NEGR1: variants seen among roughly 807,000 people sequenced by gnomAD.
NEGR1 encodes IgLON family member 4.
NEGR1 carries 10 observed loss-of-function variants against 40.9 expected under a neutral mutation model. That is an observed-to-expected ratio of 0.24 (90% CI 0.15 to 0.42). NEGR1 has a LOEUF of 0.42. Ranked by LOEUF, NEGR1 falls within the 10% of genes least tolerant of loss-of-function variation. The pLI, the probability that NEGR1 is intolerant of heterozygous loss-of-function variation, is 1.00. For synonymous variants in NEGR1, 185 were observed against 166.8 expected (o/e 1.11, Z -0.84); for missense variants, 352 against 438.9 (o/e 0.80, Z 1.77).
chr1:71,531,359 AAG>A (rs546685473), intron 6 of NEGR1, among the ~76,000 whole-genome samples: 169 of 151,488 alleles, frequency 1.1e-3, no homozygotes, highest in Non-Finnish European at 2.0e-3. Flanking sequence ...ATGACCAAAA[AAG>A]GAAAGTAAGA....
chr1:71,487,768 T>C (rs1646898076), intron 6 of NEGR1, among the ~76,000 whole-genome samples: 1 of 151,548 alleles, frequency 6.6e-6, no homozygotes, highest in Non-Finnish European at 1.5e-5. Context: ...AAGGAGTAAA[T>C]CTTTTCTTTT....
At chr1:71,412,881 A>G (rs921742049) in intron 6 of NEGR1, among the ~76,000 whole-genome samples, 1 of 152,218 alleles carries the variant, frequency 6.6e-6, no homozygotes, top group African/African-American at 2.4e-5. Context: ...TATTGAAAAA[A>G]AAGAGAAAAT....
At chr1:71,845,689 C>T (rs907091775) in intron 2 of NEGR1, among the ~76,000 whole-genome samples, 7 of 151,980 alleles carry the variant, frequency 4.6e-5, no homozygotes, top group African/African-American at 1.7e-4. Flanking sequence ...TGATCCAATT[C>T]ACACAGCAAA....
intron 1 of NEGR1, among the ~76,000 whole-genome samples, chr1:72,074,551 C>T (rs1335330356): frequency 6.6e-6 from 1 of 152,000 alleles, no homozygotes; most frequent in Non-Finnish European, 1.5e-5. Context: ...TATACTCCTA[C>T]TTCTACGTCA....
intron 1 of NEGR1, among the ~76,000 whole-genome samples, chr1:71,975,209 A>G (rs1312096471): frequency 6.6e-6 from 1 of 152,158 alleles, no homozygotes; most frequent in Non-Finnish European, 1.5e-5. Flanking sequence ...TAGAAAAGCA[A>G]TATATGCTTA....
intron 2 of NEGR1, among the ~76,000 whole-genome samples, chr1:71,843,186 A>G (rs1232743599): frequency 6.6e-6 from 1 of 152,158 alleles, no homozygotes; most frequent in African/African-American, 2.4e-5. Context: ...AGCGGCTGTC[A>G]TTAGTCTCCA....
chr1:71,919,335 G>C (rs1661692118), intron 2 of NEGR1, among the ~76,000 whole-genome samples: 1 of 152,146 alleles, frequency 6.6e-6, no homozygotes, highest in South Asian at 2.1e-4. Flanking sequence ...TATTTGAAGA[G>C]GACAGCCTCA....
At chr1:72,039,232 G>A (rs761910195) in intron 1 of NEGR1, among the ~76,000 whole-genome samples, 5 of 152,032 alleles carry the variant, frequency 3.3e-5, no homozygotes, top group Admixed American at 1.3e-4. Context: ...CTGAAGGAAT[G>A]TGAATATTGT....
chr1:71,959,034 T>C (rs1646141905), intron 1 of NEGR1, among the ~76,000 whole-genome samples: 1 of 151,918 alleles, frequency 6.6e-6, no homozygotes, highest in Non-Finnish European at 1.5e-5. Flanking sequence ...CTCCCAAACA[T>C]AGTCATCTTT....
At chr1:71,654,893 G>T (rs937324502) in intron 4 of NEGR1, among the ~76,000 whole-genome samples, 5 of 152,044 alleles carry the variant, frequency 3.3e-5, no homozygotes, top group African/African-American at 1.2e-4. Flanking sequence ...GAGAAAAAAA[G>T]TTCCCTGGAT....
intron 1 of NEGR1, among the ~76,000 whole-genome samples, chr1:72,173,333 T>C (rs529824346): frequency 6.8e-6 from 1 of 147,192 alleles, no homozygotes; most frequent in South Asian, 2.3e-4. Flanking sequence ...AGCAATCTTA[T>C]TTTCATCTGC....
chr1:72,071,594 C>G (rs1435607979), intron 1 of NEGR1, among the ~76,000 whole-genome samples: 1 of 152,026 alleles, frequency 6.6e-6, no homozygotes, highest in African/African-American at 2.4e-5. Flanking sequence ...AGTGATGAAC[C>G]CTTATAAAAT....
chr1:71,707,341 G>T (rs2101638930), intron 3 of NEGR1, among the ~76,000 whole-genome samples: 1 of 152,278 alleles, frequency 6.6e-6, no homozygotes, highest in East Asian at 1.9e-4. Flanking sequence ...GGTCTTAAGG[G>T]GACATCAGTG....
chr1:72,197,935 A>AT (rs777314154), intron 1 of NEGR1, among the ~76,000 whole-genome samples: 1 of 151,934 alleles, frequency 6.6e-6, no homozygotes, highest in South Asian at 2.1e-4. Flanking sequence ...TTTCCTTTGC[A>AT]TTTTTTGTTG....
chr1:72,078,507 A>G (rs1426183545), intron 1 of NEGR1, among the ~76,000 whole-genome samples: 2 of 151,996 alleles, frequency 1.3e-5, no homozygotes, highest in East Asian at 3.8e-4. Context: ...ATATGTGTTT[A>G]CAAATTCCAC....
At chr1:71,939,891 ATAC>A (rs1234808902) in intron 1 of NEGR1, among the ~76,000 whole-genome samples, 1 of 152,202 alleles carries the variant, frequency 6.6e-6, no homozygotes, top group Non-Finnish European at 1.5e-5. Flanking sequence ...TATGAGCCAG[ATAC>A]TACTATTATC....
At chr1:71,465,946 T>C (rs536260858) in intron 6 of NEGR1, among the ~76,000 whole-genome samples, 1 of 152,124 alleles carries the variant, frequency 6.6e-6, no homozygotes, top group Non-Finnish European at 1.5e-5. Flanking sequence ...TTATGGCCAG[T>C]TTTTACCAAA....
intron 6 of NEGR1, among the ~76,000 whole-genome samples, chr1:71,523,408 A>G (rs1647176041): frequency 6.6e-6 from 1 of 151,958 alleles, no homozygotes; most frequent in Non-Finnish European, 1.5e-5. Context: ...CATATATTGT[A>G]AGATTATTTT....
chr1:71,559,906 C>T (rs987251172), intron 6 of NEGR1, among the ~76,000 whole-genome samples: 2 of 151,282 alleles, frequency 1.3e-5, no homozygotes, highest in African/African-American at 4.8e-5. Flanking sequence ...CTCCCAGGAT[C>T]TTAGTTTGGA....
Sources: gnomAD v4.1 joint callset for allele counts (sites outside exome capture counted in the v4.1 genomes callset) on GRCh38, gnomAD v4.1.1 for gene constraint, MANE v1.5 for transcripts, NCBI Gene and HGNC (gene_info 2026-07-23, HGNC 2026-07-21) for gene names.